RSF1: variants seen among roughly 807,000 people sequenced by gnomAD.
RSF1 encodes remodeling and spacing factor 1.
In RSF1, 13 loss-of-function variants were observed where a neutral mutation model predicts 145.2. The observed-to-expected ratio is 0.09, with a 90% CI of 0.06 to 0.14. The LOEUF (loss-of-function observed/expected upper bound fraction) is 0.14. RSF1 is among the 10% of genes least tolerant of loss of function. The pLI is 1.00. For synonymous variants in RSF1, 577 were observed against 592.6 expected, an observed-to-expected ratio of 0.97 and a Z score of 0.38; for missense variants, 1,517 against 1,718.2, an observed-to-expected ratio of 0.88 and a Z score of 2.07.
At chr11:77,841,376 C>A in the RSF1 span, 16 of 585,554 alleles carry the variant, frequency 2.7e-5, no homozygotes, top group Non-Finnish European at 4.9e-5. Flanking sequence ...GAGTTTTTTC[C>A]TTGATTTTAT....
chr11:77,783,996 TTG>T (rs1411522275), intron 1 of RSF1, among the ~76,000 whole-genome samples: 2 of 152,220 alleles, frequency 1.3e-5, no homozygotes, highest in African/African-American at 4.8e-5. Flanking sequence ...CTGTAAATGT[TTG>T]TCTGTGTTTG....
intron 5 of RSF1, among the ~76,000 whole-genome samples, chr11:77,722,547 A>C (rs1391640293): frequency 6.6e-6 from 1 of 152,226 alleles, no homozygotes; most frequent in Non-Finnish European, 1.5e-5. Context: ...GTACTACTCT[A>C]GACCACTTTA....
At chr11:77,710,253 A>G (rs1233356809) in intron 5 of RSF1, among the ~76,000 whole-genome samples, 1 of 152,222 alleles carries the variant, frequency 6.6e-6, no homozygotes, top group Non-Finnish European at 1.5e-5. Context: ...AGATCAAGCT[A>G]GTTAACATAT....
intron 1 of RSF1, among the ~76,000 whole-genome samples, chr11:77,785,354 C>G (rs1023050736): frequency 1.3e-5 from 2 of 152,156 alleles, no homozygotes; most frequent in African/African-American, 4.8e-5. Flanking sequence ...CTTTGGGAGG[C>G]TGAGGTGGGT....
intron 1 of RSF1, among the ~76,000 whole-genome samples, chr11:77,791,523 G>T (rs554050877): frequency 5.1e-4 from 78 of 152,206 alleles, no homozygotes; most frequent in African/African-American, 1.8e-3. Flanking sequence ...CTTTTCTATT[G>T]TCAGGATGCA....
chr11:77,848,233 TTA>T, the RSF1 span, among the ~76,000 whole-genome samples: 1 of 152,236 alleles, frequency 6.6e-6, no homozygotes, highest in African/African-American at 2.4e-5. Context: ...GTGGTTTAAG[TTA>T]TACTGGAGCA....
chr11:77,729,943 TG>T (rs1422285754), intron 4 of RSF1, among the ~76,000 whole-genome samples: 1 of 107,668 alleles, frequency 9.3e-6, no homozygotes, highest in Non-Finnish European at 2.0e-5. Flanking sequence ...CCAAGAAAAC[TG>T]AAGAGGCATT....
intron 1 of RSF1, among the ~76,000 whole-genome samples, chr11:77,796,710 A>C (rs1428749534): frequency 6.6e-6 from 1 of 152,218 alleles, no homozygotes; most frequent in East Asian, 1.9e-4. Flanking sequence ...GAAGAGAAGA[A>C]GTCAAATTGT....
chr11:77,803,041 C>T (rs963686415), intron 1 of RSF1, among the ~76,000 whole-genome samples: 12 of 152,068 alleles, frequency 7.9e-5, no homozygotes, highest in African/African-American at 2.9e-4. Context: ...ACAAATGGGA[C>T]GGGATAGGGG....
chr11:77,704,506 T>C (rs1166174606), intron 5 of RSF1, among the ~76,000 whole-genome samples: 1 of 152,208 alleles, frequency 6.6e-6, no homozygotes, highest in Non-Finnish European at 1.5e-5. Flanking sequence ...CGAAGGTAAC[T>C]GATCTTGGTT....
rs747978442 is a variant in RSF1 at position 77,701,112 on chromosome 11, A to T, written c.2117T>A (p.Phe706Tyr). ...ETKGSMQKSKFKYKLVPEEET... is the reference protein window; with the variant it reads ...ETKGSMQKSKYKYKLVPEEET... ...TTCTTCAGGAACCAACTTATATTTG[A>T]ATTTGCTTTTTTGCATAGAACCCTT... The change falls in exon 6 of 16, where the codon TTC becomes TAC. Residue 706 changes from phenylalanine (F) to tyrosine (Y), a missense_variant. Phe to Tyr is a conservative substitution (Grantham distance 22). This residue lies in a region of RSF1 where 579 missense variants were observed against 553.5 expected (regional missense o/e 1.05). Transcript: ENST00000308488. The T allele has an allele frequency of 5.0e-6, 8 of 1,613,216 alleles. No individual in the cohort carries two copies. In the South Asian group the frequency reaches 8.8e-5, roughly 18 times the overall value.
chr11:77,687,145 C>T (rs1960030900), intron 9 of RSF1, among the ~76,000 whole-genome samples: 1 of 152,062 alleles, frequency 6.6e-6, no homozygotes, highest in Non-Finnish European at 1.5e-5. Flanking sequence ...GTTTAGAGCT[C>T]CTAAGATTCA....
the RSF1 span, among the ~76,000 whole-genome samples, chr11:77,857,544 T>G: frequency 1.3e-5 from 2 of 152,318 alleles, no homozygotes; most frequent in African/African-American, 4.8e-5. Context: ...CATCCAAGCC[T>G]TGGATCCTAT....
At chr11:77,705,513 T>G (rs530235866) in intron 5 of RSF1, among the ~76,000 whole-genome samples, 3 of 152,234 alleles carry the variant, frequency 2.0e-5, no homozygotes, top group Non-Finnish European at 4.4e-5. Context: ...TAGAAGACAC[T>G]GAGTTGCCTG....
chr11:77,846,817 T>A, the RSF1 span, among the ~76,000 whole-genome samples: 41 of 152,352 alleles, frequency 2.7e-4, no homozygotes, highest in African/African-American at 8.7e-4. Flanking sequence ...TTAATTTGTC[T>A]TGTATTCTAA....
rs140034269 is a variant in RSF1 at position 77,734,050 on chromosome 11, C to T, written c.578+6681G>A. 5.1e-4 allele frequency among the ~76,000 whole-genome samples: 78 copies of T among 152,194 alleles called. No individual in the cohort carries two copies. The Middle Eastern group carries it at 0.01, about 20-fold the overall frequency. ...TAAACATTAACTGGAATAAGTAGGA[C>T]ACTGGCTGGAGCTTAAACATTTTTG... On this transcript the variant is annotated intron_variant, in intron 4 of 15. Transcript: ENST00000308488.
Position 77,803,606 on chromosome 11 carries a change from C to T in RSF1, c.187+16922G>A, listed in dbSNP as rs566691900. Among the ~76,000 whole-genome samples, 434 of 151,714 alleles carry T rather than the reference C, an allele frequency of 2.9e-3. 5 individuals carry two copies. The highest frequency in any genetic ancestry group is 0.01 in the African/African-American group (416 of 41,404). On this transcript the variant is annotated intron_variant, in intron 1 of 15. Transcript: ENST00000308488. ...CCAGCCTGGCCAACATGGTGAAACC[C>T]TGTCTCTACTAAAAATACAAAAATT... is the stretch of plus-strand genomic sequence containing the variant.
intron 11 of RSF1, among the ~76,000 whole-genome samples, chr11:77,680,571 C>G (rs984512417): frequency 6.6e-6 from 1 of 152,184 alleles, no homozygotes. Flanking sequence ...GGCAACATAA[C>G]AAGACCCCGT....
intron 1 of RSF1, among the ~76,000 whole-genome samples, chr11:77,784,715 G>T (rs951290647): frequency 6.6e-6 from 1 of 152,132 alleles, no homozygotes; most frequent in African/African-American, 2.4e-5. Context: ...TTTCTGTCAG[G>T]TTTACTACAA....
Sources: allele counts gnomAD v4.1 joint callset (sites outside exome capture counted in the v4.1 genomes callset), GRCh38; gene constraint gnomAD v4.1.1; regional missense constraint gnomAD v4.1.1; transcripts MANE v1.5; gene names NCBI Gene and HGNC (gene_info 2026-07-23, HGNC 2026-07-21).